The following EGFL6 variants were observed in gnomAD, a reference collection of about 807,000 sequenced individuals.
EGFL6 encodes epidermal growth factor-like protein 6.
Under a neutral mutation model 43.1 loss-of-function variants are expected in EGFL6, and 42 were observed. That is an observed-to-expected ratio of 0.98 (90% confidence interval 0.76 to 1.26). The LOEUF (loss-of-function observed/expected upper bound fraction) is 1.26. Among genes scored for constraint, EGFL6 ranks in the 50% most tolerant of loss-of-function variants. The probability of loss-of-function intolerance (pLI) is 0.00; values close to 1 mark genes in which losing one functional copy is unlikely to be tolerated. For synonymous variants in EGFL6, 164 were observed against 163.2 expected (o/e 1.01, Z -0.04); for missense variants, 429 against 427.8 (o/e 1.00, Z -0.02).
chrX:13,632,840 C>A, intron 11 of EGFL6, 145 bp from the exon 12 acceptor site: 1 of 466,490 alleles, frequency 2.1e-6, no homozygotes, highest in Non-Finnish European at 3.5e-6. Flanking sequence ...CACCTGGCAT[C>A]TAAAAAATAA....
intron 2 of EGFL6, among the ~76,000 whole-genome samples, chrX:13,594,613 C>A (rs2045586261): frequency 9.0e-6 from 1 of 111,366 alleles, no homozygotes; most frequent in Admixed American, 9.5e-5. Flanking sequence ...TTTATTAAAT[C>A]TTTTGTGTTT....
In EGFL6 at chrX:13,606,448, G is replaced by A. The variant is rs759202618; in HGVS notation, c.590G>A (p.Ser197Asn). The A allele has an allele frequency of 8.3e-7, 1 of 1,209,067 alleles. No individual in the cohort carries two copies. Among genetic ancestry groups the A allele is most frequent in the Non-Finnish European group, 1.1e-6 (1 of 892,994 alleles). ...YNRRCVNTFG[S>N]YYCKCHIGFE... ...CGAAGATGTGTGAACACATTTGGAA[G>A]CTACTACTGCAAATGTCACATTGGT... Residue 197 changes from serine to asparagine, a missense_variant, in exon 6 of 12, where the codon AGC (serine) becomes AAC (asparagine). By Grantham distance (46) the Ser-to-Asn change is conservative. Transcript: ENST00000361306.
intron 1 of EGFL6, among the ~76,000 whole-genome samples, chrX:13,573,474 G>A (rs1294691690): frequency 1.8e-5 from 2 of 112,128 alleles, no homozygotes; most frequent in Non-Finnish European, 3.8e-5. Flanking sequence ...TCAATAGTTA[G>A]TTTCACTGGC....
At chrX:13,605,413 A>G (rs1403089657) in intron 5 of EGFL6, among the ~76,000 whole-genome samples, 1 of 108,914 alleles carries the variant, frequency 9.2e-6, no homozygotes, top group Non-Finnish European at 1.9e-5. Context: ...TTTCTACAAA[A>G]AAAAAATAAT....
At chrX:13,586,647 A>C (rs12115906) in intron 1 of EGFL6, among the ~76,000 whole-genome samples, 4,374 of 111,500 alleles carry the variant, frequency 0.039, 192 homozygotes, top group African/African-American at 0.13. Context: ...CATTGGGATT[A>C]GGGTTTCAAT....
chrX:13,571,158 G>A (rs2045440905), intron 1 of EGFL6, among the ~76,000 whole-genome samples: 1 of 89,852 alleles, frequency 1.1e-5, no homozygotes, highest in South Asian at 6.2e-4. Flanking sequence ...AAAAGGTTTG[G>A]GATATTGCCC....
intron 11 of EGFL6, among the ~76,000 whole-genome samples, chrX:13,632,571 T>C (rs1307092091): frequency 9.0e-6 from 1 of 110,844 alleles, no homozygotes; most frequent in Non-Finnish European, 1.9e-5. Context: ...CCCAAAGTGC[T>C]GGGATTACAG....
rs145030080 is a variant in EGFL6, at chrX:13,627,550, A to G, written c.1551+274A>G. ...AGCGTCCTTCCAAATCAGGCTATAC[A>G]TGCTATACATTCCGTAGTATGTAAA... On this transcript the variant is annotated intron_variant, in intron 11 of 11. Transcript: ENST00000361306. Among the ~76,000 whole-genome samples the G allele has an allele frequency of 3.7e-3, 421 of 112,275 alleles. 1 individual carries two copies. The highest frequency in any genetic ancestry group is 0.013 in the African/African-American group (403 of 30,915).
chrX:13,614,280 CAG>C (rs993043233), intron 7 of EGFL6, among the ~76,000 whole-genome samples: 18 of 111,916 alleles, frequency 1.6e-4, no homozygotes, highest in African/African-American at 5.9e-4. Flanking sequence ...GGAGAACTCA[CAG>C]AGTTTGCCCT....
At chrX:13,616,084 A>G (rs1300254093) in intron 7 of EGFL6, among the ~76,000 whole-genome samples, 2 of 111,807 alleles carry the variant, frequency 1.8e-5, no homozygotes, top group Admixed American at 1.9e-4. Flanking sequence ...ACATGCCTAG[A>G]TATTTTATAG....
chrX:13,570,515 C>CT (rs2045435251), intron 1 of EGFL6, among the ~76,000 whole-genome samples: 1 of 111,952 alleles, frequency 8.9e-6, no homozygotes, highest in African/African-American at 3.3e-5. Flanking sequence ...TGTCAGATGA[C>CT]AACCATTCTC....
At chrX:13,583,953 GAAGGTCA>G (rs748679262) in intron 1 of EGFL6, among the ~76,000 whole-genome samples, 1 of 111,980 alleles carries the variant, frequency 8.9e-6, no homozygotes, top group South Asian at 3.8e-4. Flanking sequence ...GCTCTCCTCT[GAAGGTCA>G]ACACATCTGA....
intron 11 of EGFL6, among the ~76,000 whole-genome samples, chrX:13,630,091 C>T (rs1602662642): frequency 9.0e-6 from 1 of 111,585 alleles, no homozygotes; most frequent in East Asian, 2.8e-4. Flanking sequence ...AGTGGTACAG[C>T]ATCCTAGTCC....
chrX:13,629,459 G>A (rs2045799488), intron 11 of EGFL6, among the ~76,000 whole-genome samples: 1 of 110,853 alleles, frequency 9.0e-6, no homozygotes, highest in Non-Finnish European at 1.9e-5. Flanking sequence ...TGCCCCCAAA[G>A]AGCCTGGCCA....
chrX:13,590,973 T>C (rs1158065287), intron 2 of EGFL6, among the ~76,000 whole-genome samples: 1 of 111,459 alleles, frequency 9.0e-6, no homozygotes, highest in African/African-American at 3.3e-5. Flanking sequence ...CTAGCTAAGG[T>C]AAGCTAGCTA....
At chrX:13,628,929 G>A (rs1044111144) in intron 11 of EGFL6, among the ~76,000 whole-genome samples, 1 of 113,083 alleles carries the variant, frequency 8.8e-6, no homozygotes, top group African/African-American at 3.2e-5. Flanking sequence ...GTAGATCCAT[G>A]TATTGGGATT....
At chrX:13,632,426 G>C (rs1261618951) in intron 11 of EGFL6, among the ~76,000 whole-genome samples, 9 of 104,295 alleles carry the variant, frequency 8.6e-5, no homozygotes, top group African/African-American at 2.1e-4. Context: ...CTCAGCCTCC[G>C]AAGTAGCTGG....
At chrX:13,594,765 C>T (rs867799948) in intron 2 of EGFL6, 71 bp from the exon 3 acceptor site, 115 of 985,030 alleles carry the variant, frequency 1.2e-4, no homozygotes, top group Non-Finnish European at 1.4e-4. Context: ...CAGAACGCAG[C>T]GAAGTTTTGC....
At position 13,633,211 on chromosome X, in the gene EGFL6, G is replaced by T; in HGVS notation, c.*116G>T. 1.8e-6 allele frequency: 1 copy of T among 550,213 alleles called. No individual in the cohort carries two copies. Among genetic ancestry groups the T allele is most frequent in the Non-Finnish European group, 2.8e-6 (1 of 355,379 alleles). The allele number at this position is 550,213 out of a possible 1,213,427, so 45.3% of individuals were successfully genotyped here. A position where few individuals can be genotyped will look rare whatever the true frequency, so the allele number is the denominator to read the frequency against. The stretch of plus-strand genomic sequence containing the variant: ...GCTGAAAAATTGTAATGTACCAACA[G>T]AAATATTATTGTAAGATGCCTTTCT... On this transcript the variant is annotated 3_prime_UTR_variant, in exon 12 of 12. Coordinates refer to ENST00000361306, the MANE Select transcript of EGFL6 (RefSeq NM_015507.4).
Sources: allele counts gnomAD v4.1 joint callset (sites outside exome capture counted in the v4.1 genomes callset), GRCh38; gene constraint gnomAD v4.1.1; transcripts MANE v1.5; gene names NCBI Gene and HGNC (gene_info 2026-07-23, HGNC 2026-07-21).